Variants in THAP12 observed in about 807,000 individuals in gnomAD.
The protein encoded by THAP12 is 52 kDa repressor of the inhibitor of the protein kinase.
Under a neutral mutation model 63.0 loss-of-function variants are expected in THAP12, and 20 were observed. That is an observed-to-expected ratio of 0.32 (90% CI 0.22 to 0.46). THAP12 has a LOEUF of 0.46. Ranked by LOEUF, THAP12 falls within the 20% of genes least tolerant of loss-of-function variation. The pLI is 1.00. For synonymous variants in THAP12, 264 were observed against 328.4 expected, an observed-to-expected ratio of 0.80 and a Z score of 2.12; for missense variants, 568 against 908.2, an observed-to-expected ratio of 0.63 and a Z score of 4.81.
intron 3 of THAP12, 104 bp from the exon 4 acceptor site, chr11:76,355,758 TTTAA>T (rs1946557213): frequency 1.1e-6 from 1 of 908,936 alleles, no homozygotes; most frequent in Non-Finnish European, 1.6e-6. Context: ...TCTGAGTCAA[TTTAA>T]TTCTTTCAAG....
chr11:76,364,019 C>A (rs1177995452), intron 2 of THAP12, among the ~76,000 whole-genome samples: 1 of 152,154 alleles, frequency 6.6e-6, no homozygotes, highest in African/African-American at 2.4e-5. Context: ...AAAAAGCAAA[C>A]CTGGCTCATC....
intron 1 of THAP12, 147 bp from the exon 2 acceptor site, chr11:76,366,119 A>G (rs908680067): frequency 9.9e-5 from 96 of 971,492 alleles, no homozygotes; most frequent in East Asian, 2.8e-4. Flanking sequence ...TAATAACAAA[A>G]TAACAGTTGG....
chr11:76,354,590 T>C (rs1294492230), intron 4 of THAP12, among the ~76,000 whole-genome samples: 1 of 152,256 alleles, frequency 6.6e-6, no homozygotes, highest in Non-Finnish European at 1.5e-5. Flanking sequence ...TTACTCTCTC[T>C]ACCATTGCCT....
chr11:76,364,332 G>T, intron 2 of THAP12: 2 of 354,220 alleles, frequency 5.6e-6, no homozygotes, highest in South Asian at 2.1e-5. Context: ...ACCGGAATTG[G>T]CTCACCTCCC....
Position 76,351,332 on chromosome 11 carries a change from A to G in THAP12, c.1818T>C (p.Ser606=). The change falls in exon 5 of 5, where the codon TCT becomes TCC. Residue 606 remains serine, a synonymous_variant. Transcript: ENST00000260045. ...EQHLKALKCL[S]LVPSVMGQLK... ...GTTGTCCCATGACTGAGGGTACCAG[A>G]GATAAGCATTTAAGAGCTTTGAGGT... 6.3e-7 allele frequency: 1 copy of G among 1,591,640 alleles called. No individual in the cohort carries two copies. The highest frequency in any genetic ancestry group is 1.1e-5 in the South Asian group (1 of 89,554).
intron 1 of THAP12, among the ~76,000 whole-genome samples, chr11:76,374,915 G>C (rs1946698678): frequency 6.6e-6 from 1 of 152,182 alleles, no homozygotes; most frequent in Admixed American, 6.5e-5. Flanking sequence ...TCCGCCATGT[G>C]AGAACACAAC....
intron 1 of THAP12, among the ~76,000 whole-genome samples, chr11:76,367,356 G>A (rs561370544): frequency 3.3e-5 from 5 of 152,122 alleles, no homozygotes; most frequent in African/African-American, 9.7e-5. Flanking sequence ...GATTACAGGC[G>A]TGAGCCACCG....
At chr11:76,362,439 T>C (rs532131286) in intron 2 of THAP12, among the ~76,000 whole-genome samples, 2 of 152,386 alleles carry the variant, frequency 1.3e-5, no homozygotes, top group East Asian at 1.9e-4. Context: ...GATGAATTTC[T>C]ATTCAGAGTC....
intron 3 of THAP12, among the ~76,000 whole-genome samples, chr11:76,359,806 G>A (rs1298411679): frequency 6.6e-6 from 1 of 150,906 alleles, no homozygotes; most frequent in Non-Finnish European, 1.5e-5. Context: ...CAGCCTGGGT[G>A]AGAGTGAGAC....
chr11:76,352,903 A>C, intron 4 of THAP12, 109 bp from the exon 5 acceptor site: 1 of 1,293,164 alleles, frequency 7.7e-7, no homozygotes, highest in East Asian at 2.6e-5. Flanking sequence ...CATTCATTCA[A>C]TATTCATAGG....
rs893369320 is a variant in THAP12, at chr11:76,364,337, C to T, written c.210+1515G>A. 1.7e-4 allele frequency: 64 copies of T among 371,936 alleles called. No individual in the cohort carries two copies. In the East Asian group the frequency reaches 3.3e-3, roughly 19 times the overall value. The allele number at this position is 371,936 out of a possible 1,614,324, so 23.0% of individuals were successfully genotyped here. ...AAACTGTTGAACCGGAATTGGCTCACCTCCCAATGACTTCACAAGTATCTG... is the reference window on the plus strand; with the variant it reads ...AAACTGTTGAACCGGAATTGGCTCATCTCCCAATGACTTCACAAGTATCTG... On this transcript the variant is annotated intron_variant, in intron 2 of 4. Coordinates refer to ENST00000260045, the MANE Select transcript of THAP12 (RefSeq NM_004705.4).
At chr11:76,356,303 A>G (rs1946560588) in intron 3 of THAP12, 1 of 152,292 alleles carries the variant, frequency 6.6e-6, no homozygotes, top group Admixed American at 6.5e-5. Context: ...TGACAGCTGA[A>G]GACAGCAGGA....
intron 1 of THAP12, among the ~76,000 whole-genome samples, chr11:76,373,545 T>A (rs972912468): frequency 2.0e-5 from 3 of 151,910 alleles, no homozygotes; most frequent in African/African-American, 7.2e-5. Flanking sequence ...GGTGAGACCC[T>A]GTCTCTAAAA....
chr11:76,364,469 CAT>C, intron 2 of THAP12: 1 of 424,772 alleles, frequency 2.4e-6, no homozygotes, highest in Non-Finnish European at 4.7e-6. Context: ...TGCATAACAA[CAT>C]ATAGTGTACC....
intron 1 of THAP12, among the ~76,000 whole-genome samples, chr11:76,370,968 C>T (rs529416988): frequency 9.2e-5 from 14 of 151,866 alleles, no homozygotes; most frequent in Admixed American, 6.6e-4. Context: ...TTTACCAATG[C>T]CTCCCCTTTC....
intron 1 of THAP12, among the ~76,000 whole-genome samples, chr11:76,367,930 C>A (rs1052648771): frequency 6.6e-6 from 1 of 152,142 alleles, no homozygotes; most frequent in Non-Finnish European, 1.5e-5. Flanking sequence ...CTCACAGTAA[C>A]GATGCCTAAG....
intron 1 of THAP12, among the ~76,000 whole-genome samples, chr11:76,366,332 C>T (rs567643601): frequency 6.6e-6 from 1 of 152,310 alleles, no homozygotes; most frequent in East Asian, 1.9e-4. Flanking sequence ...CACAGCTTAA[C>T]ATTCCCTTCA....
At chr11:76,376,109 G>T (rs1044005418) in intron 1 of THAP12, among the ~76,000 whole-genome samples, 1 of 152,128 alleles carries the variant, frequency 6.6e-6, no homozygotes, top group Non-Finnish European at 1.5e-5. Context: ...TGGGATAAAT[G>T]AAAAAGTTTT....
chr11:76,378,541 A>T (rs1028404162), intron 1 of THAP12, among the ~76,000 whole-genome samples: 35 of 152,218 alleles, frequency 2.3e-4, no homozygotes, highest in African/African-American at 8.0e-4. Flanking sequence ...GATCTCAATA[A>T]AAGTATAGGC....
Sources: allele counts gnomAD v4.1 joint callset (sites outside exome capture counted in the v4.1 genomes callset), GRCh38; gene constraint gnomAD v4.1.1; transcripts MANE v1.5; gene names NCBI Gene and HGNC (gene_info 2026-07-23, HGNC 2026-07-21).